The following UBE4B variants were observed in gnomAD, a reference collection of about 807,000 sequenced individuals.
UBE4B encodes ubiquitination factor E4B.
A neutral mutation model predicts 148.1 loss-of-function variants in UBE4B; 27 were observed. That is an observed-to-expected ratio of 0.18 (90% CI 0.13 to 0.25). UBE4B has a LOEUF of 0.25. UBE4B is among the 10% of genes least tolerant of loss of function. The pLI is 1.00. For synonymous variants in UBE4B, 596 were observed against 619.3 expected (o/e 0.96, Z 0.56); for missense variants, 1,170 against 1,662.4 (o/e 0.70, Z 5.15).
intron 2 of UBE4B, among the ~76,000 whole-genome samples, chr1:10,087,622 G>T (rs184567925): frequency 6.6e-6 from 1 of 152,360 alleles, no homozygotes; most frequent in African/African-American, 2.4e-5. Flanking sequence ...TTTTGGGGAA[G>T]ATTATGTCAC....
chr1:10,106,658 G>T lies in UBE4B; in HGVS notation c.1196+75G>T. 6.8e-7 allele frequency: 1 copy of T among 1,473,632 alleles called. No homozygotes were observed. The highest frequency in any genetic ancestry group is 8.9e-7 in the Non-Finnish European group (1 of 1,118,660). 91.3% of individuals were successfully genotyped at this position (1,473,632 alleles called of 1,614,324 possible). A position where few individuals can be genotyped will look rare whatever the true frequency, so the allele number is the denominator to read the frequency against. On this transcript the variant is annotated intron_variant, in intron 7 of 27. Transcript: ENST00000343090. The surrounding 1 kb of genome is among the most constrained non-coding windows in gnomAD (Gnocchi z 4.2). ...GAGATTAACACGGTTTGGAAGAAGT[G>T]CTGTGTGACACTGACTCTGTTAAAT...
chr1:10,054,312 G>A (rs1199769717), intron 1 of UBE4B: 1 of 161,164 alleles, frequency 6.2e-6, no homozygotes, highest in Non-Finnish European at 1.4e-5. Flanking sequence ...GTAAAGACAT[G>A]GCATAATGAA....
chr1:10,142,115 G>T (rs1299383889), intron 17 of UBE4B, among the ~76,000 whole-genome samples: 1 of 151,750 alleles, frequency 6.6e-6, no homozygotes, highest in Non-Finnish European at 1.5e-5. Context: ...CAGATCACCA[G>T]GGATCATGTA....
intron 2 of UBE4B, among the ~76,000 whole-genome samples, chr1:10,091,949 G>A (rs927507549): frequency 6.6e-6 from 1 of 151,928 alleles, no homozygotes; most frequent in Non-Finnish European, 1.5e-5. Flanking sequence ...CAGGGTCTCT[G>A]TGTTGCCCAG....
chr1:10,106,376 A>G lies in UBE4B; in HGVS notation c.989A>G (p.Tyr330Cys). 6.2e-7 allele frequency: 1 copy of G among 1,613,678 alleles called. No homozygotes were observed. The highest frequency in any genetic ancestry group is 8.5e-7 in the Non-Finnish European group (1 of 1,179,728). ...AAGSQPSSPR[Y>C]RPYTVTHPWA... ...GGAAGCCAGCCTTCATCCCCGCGGTATCGCCCCTACACTGTCACTCACCCA... is the reference window on the plus strand; with the variant it reads ...GGAAGCCAGCCTTCATCCCCGCGGTGTCGCCCCTACACTGTCACTCACCCA... The change falls in exon 7 of 28, where the codon TAT becomes TGT. Residue 330 changes from tyrosine (Y) to cysteine (C), a missense_variant. Tyr to Cys is a radical substitution (Grantham distance 194). Around this residue, in one of 6 missense-constraint regions of UBE4B, gnomAD observed 214 missense variants for 209.1 expected, o/e 1.02. Coordinates refer to ENST00000343090, the MANE Select transcript of UBE4B (RefSeq NM_001105562.3). The surrounding 1 kb of genome is among the most constrained non-coding windows in gnomAD (Gnocchi z 4.2).
At chr1:10,055,485 A>T (rs2101801835) in intron 1 of UBE4B, among the ~76,000 whole-genome samples, 1 of 152,026 alleles carries the variant, frequency 6.6e-6, no homozygotes, top group South Asian at 2.1e-4. Context: ...CAGCTAATTT[A>T]AAAAATTTTT....
chr1:10,053,547 G>T (rs568591961), intron 1 of UBE4B, among the ~76,000 whole-genome samples: 1 of 152,238 alleles, frequency 6.6e-6, no homozygotes, highest in East Asian at 1.9e-4. Flanking sequence ...TGGGCTGGAT[G>T]TGTAAGTTTG....
chr1:10,065,577 A>T (rs935901645), intron 1 of UBE4B, among the ~76,000 whole-genome samples: 1 of 152,128 alleles, frequency 6.6e-6, no homozygotes, highest in Non-Finnish European at 1.5e-5. Flanking sequence ...GCCAGTGTGG[A>T]GTTTGCTCTG....
intron 1 of UBE4B, chr1:10,059,318 G>T: frequency 6.3e-6 from 1 of 159,356 alleles, no homozygotes; most frequent in Non-Finnish European, 1.4e-5. Context: ...GATTGCTGGT[G>T]GGCAGACTAC....
chr1:10,147,122 C>T, intron 19 of UBE4B, 32 bp downstream of exon 19: 1 of 1,613,656 alleles, frequency 6.2e-7, no homozygotes, highest in Admixed American at 1.7e-5. Context: ...TCCCTTGTCC[C>T]TCCTTGGCTG....
chr1:10,094,484 A>T (rs916847382), intron 2 of UBE4B, among the ~76,000 whole-genome samples: 1 of 148,998 alleles, frequency 6.7e-6, no homozygotes, highest in Non-Finnish European at 1.5e-5. Flanking sequence ...CCCAGGCTGG[A>T]GTGCAATGGC....
intron 3 of UBE4B, 32 bp from the exon 4 acceptor site, chr1:10,101,076 G>A (rs769022467): frequency 1.3e-6 from 2 of 1,599,800 alleles, no homozygotes; most frequent in African/African-American, 2.7e-5. Context: ...TTTATAAAAG[G>A]TAAAAGGCTT....
At chr1:10,051,620 A>C (rs77055212) in intron 1 of UBE4B, among the ~76,000 whole-genome samples, 1,983 of 152,220 alleles carry the variant, frequency 0.013, 36 homozygotes, top group African/African-American at 0.045. Context: ...TTTTTCTAAA[A>C]CGTGGAGTGA....
In UBE4B at chr1:10,169,252, G is replaced by A. The variant is rs1018848311; in HGVS notation, c.3333+982G>A. ...AAGGCAAGACGGGGACCTAAGATTC[G>A]GTAGCCATTTGCCTATGTGGAGACA... On this transcript the variant is annotated intron_variant, in intron 24 of 27. Transcript: ENST00000343090. 4.6e-5 allele frequency among the ~76,000 whole-genome samples: 7 copies of A among 152,160 alleles called. No homozygotes were observed. In the East Asian group the frequency reaches 7.7e-4, roughly 17 times the overall value.
chr1:10,105,270 ATACTT>A (rs1645086767), intron 5 of UBE4B, among the ~76,000 whole-genome samples: 1 of 152,200 alleles, frequency 6.6e-6, no homozygotes, highest in African/African-American at 2.4e-5. Flanking sequence ...GTTCCTATAT[ATACTT>A]TACCCAGTTT....
chr1:10,124,676 T>G (rs1192085718), intron 10 of UBE4B, among the ~76,000 whole-genome samples: 1 of 152,226 alleles, frequency 6.6e-6, no homozygotes, highest in African/African-American at 2.4e-5. Context: ...TGTGAATTAT[T>G]AAATCTTTGA....
At chr1:10,135,328 T>G (rs1645661803) in intron 16 of UBE4B, 142 bp downstream of exon 16, 3 of 901,766 alleles carry the variant, frequency 3.3e-6, no homozygotes, top group Admixed American at 2.4e-5. Flanking sequence ...ACAGTAGGCC[T>G]GGCGTGGTGA....
At chr1:10,064,998 A>G (rs1349438724) in intron 1 of UBE4B, among the ~76,000 whole-genome samples, 2 of 152,124 alleles carry the variant, frequency 1.3e-5, no homozygotes, top group Admixed American at 6.6e-5. Context: ...TCCTGACCTC[A>G]AGTGATCCAC....
chr1:10,148,859 G>C (rs1490657347), intron 19 of UBE4B, among the ~76,000 whole-genome samples: 1 of 151,854 alleles, frequency 6.6e-6, no homozygotes, highest in Non-Finnish European at 1.5e-5. Flanking sequence ...ATAATCGATT[G>C]AACTGGGGAG....
Sources: gnomAD v4.1 joint callset for allele counts (sites outside exome capture counted in the v4.1 genomes callset) on GRCh38, gnomAD v4.1.1 for gene constraint, gnomAD v4.1.1 regional missense constraint, Gnocchi (gnomAD v3.1) non-coding constraint, MANE v1.5 for transcripts, NCBI Gene and HGNC (gene_info 2026-07-23, HGNC 2026-07-21) for gene names.